Variants in FGGY observed in about 807,000 individuals in gnomAD.
FGGY encodes the protein FGGY carbohydrate kinase domain-containing protein.
A neutral mutation model predicts 71.3 loss-of-function variants in FGGY; 72 were observed. The ratio of observed to expected loss-of-function variants is 1.01; its 90% CI spans 0.84 to 1.23. FGGY has a LOEUF of 1.23. FGGY is among the 50% of genes most tolerant of loss of function. The probability of loss-of-function intolerance (pLI) is 0.00; values close to 1 mark genes in which losing one functional copy is unlikely to be tolerated. For synonymous variants in FGGY, 251 were observed against 250.3 expected, an observed-to-expected ratio of 1.00 and a Z score of -0.02; for missense variants, 668 against 682.3, an observed-to-expected ratio of 0.98 and a Z score of 0.23.
intron 5 of FGGY, among the ~76,000 whole-genome samples, chr1:59,445,402 C>T (rs959478760): frequency 2.0e-5 from 3 of 152,196 alleles, no homozygotes; most frequent in African/African-American, 7.2e-5. Context: ...ATCCTCTTGA[C>T]ACATTCTTTC....
intron 15 of FGGY, among the ~76,000 whole-genome samples, chr1:59,760,543 C>A (rs888582531): frequency 2.0e-5 from 3 of 152,122 alleles, no homozygotes; most frequent in African/African-American, 7.2e-5. Flanking sequence ...TGAGAGCAAC[C>A]TAAGTGTTCA....
intron 9 of FGGY, among the ~76,000 whole-genome samples, chr1:59,625,722 T>C (rs1356493810): frequency 6.6e-6 from 1 of 152,160 alleles, no homozygotes; most frequent in East Asian, 1.9e-4. Context: ...AACCTGCTTC[T>C]ACCAGTTTAG....
intron 14 of FGGY, among the ~76,000 whole-genome samples, chr1:59,718,745 C>T (rs1039666823): frequency 3.3e-5 from 5 of 152,210 alleles, no homozygotes; most frequent in African/African-American, 4.8e-5. Context: ...TACACATTGA[C>T]ACTCCCCGCT....
chr1:59,351,814 C>T (rs1024465144), intron 4 of FGGY, among the ~76,000 whole-genome samples: 3 of 152,072 alleles, frequency 2.0e-5, no homozygotes, highest in Non-Finnish European at 4.4e-5. Context: ...CCAGAGCTGA[C>T]CACTCACTTC....
intron 14 of FGGY, among the ~76,000 whole-genome samples, chr1:59,686,201 G>A (rs1399264311): frequency 6.6e-6 from 1 of 152,098 alleles, no homozygotes; most frequent in East Asian, 1.9e-4. Flanking sequence ...TAGAGAGATA[G>A]CATGTCCCTT....
chr1:59,610,677 G>C (rs780371250), intron 9 of FGGY, among the ~76,000 whole-genome samples: 3 of 152,216 alleles, frequency 2.0e-5, no homozygotes, highest in Non-Finnish European at 2.9e-5. Flanking sequence ...AGGACAGTGG[G>C]TGCAGCCCAC....
At chr1:59,635,549 C>CAAA (rs34529086) in intron 10 of FGGY, among the ~76,000 whole-genome samples, 2 of 131,112 alleles carry the variant, frequency 1.5e-5, no homozygotes, top group Admixed American at 7.8e-5. Context: ...CATGCGTTTC[C>CAAA]AAAAAAAAAA....
chr1:59,588,791 A>G (rs375112576), intron 8 of FGGY, among the ~76,000 whole-genome samples: 5 of 152,214 alleles, frequency 3.3e-5, no homozygotes, highest in Admixed American at 1.3e-4. Flanking sequence ...TGAAGGAAGC[A>G]CTAAACATGG....
chr1:59,708,635 C>T (rs1415102924), intron 14 of FGGY, among the ~76,000 whole-genome samples: 2 of 152,168 alleles, frequency 1.3e-5, no homozygotes, highest in Non-Finnish European at 2.9e-5. Context: ...TTATTATCTT[C>T]ATTTGCAAAT....
intron 5 of FGGY, among the ~76,000 whole-genome samples, chr1:59,430,888 C>T (rs1237697462): frequency 6.6e-6 from 1 of 152,188 alleles, no homozygotes; most frequent in Non-Finnish European, 1.5e-5. Flanking sequence ...CCTGCTGACC[C>T]ATAGACACCC....
chr1:59,340,149 C>T, intron 3 of FGGY, 80 bp downstream of exon 3: 1 of 918,368 alleles, frequency 1.1e-6, no homozygotes, highest in East Asian at 2.6e-5. Context: ...AACAGGAGGG[C>T]AGGCGTCTCT....
intron 12 of FGGY, among the ~76,000 whole-genome samples, chr1:59,662,047 G>T (rs533435667): frequency 9.9e-4 from 143 of 145,074 alleles, no homozygotes; most frequent in African/African-American, 3.5e-3. Flanking sequence ...TAGGCCAGGC[G>T]CGGTGACTCA....
intron 14 of FGGY, among the ~76,000 whole-genome samples, chr1:59,714,655 G>T (rs1177209085): frequency 6.6e-6 from 1 of 152,140 alleles, no homozygotes; most frequent in Non-Finnish European, 1.5e-5. Context: ...CAGTACCAGA[G>T]AGTCCCCCTA....
intron 6 of FGGY, among the ~76,000 whole-genome samples, chr1:59,499,132 T>C (rs2094138630): frequency 6.6e-6 from 1 of 152,156 alleles, no homozygotes. Flanking sequence ...GATGATCCTC[T>C]GGTGCCAGAG....
intron 9 of FGGY, among the ~76,000 whole-genome samples, chr1:59,611,139 C>T (rs937466016): frequency 1.3e-5 from 2 of 152,224 alleles, no homozygotes; most frequent in Non-Finnish European, 2.9e-5. Flanking sequence ...TTAAACGTCC[C>T]TGTCTGACAG....
intron 8 of FGGY, among the ~76,000 whole-genome samples, chr1:59,581,497 A>AT (rs2096194019): frequency 6.7e-6 from 1 of 149,684 alleles, no homozygotes; most frequent in Non-Finnish European, 1.5e-5. Flanking sequence ...TTTGCTAAAA[A>AT]TGTATTAACT....
At chr1:59,691,623 GTTCTTTTTTT>G (rs1304033524) in intron 14 of FGGY, among the ~76,000 whole-genome samples, 2 of 145,656 alleles carry the variant, frequency 1.4e-5, no homozygotes, top group East Asian at 4.0e-4. Context: ...TTTCTTTTTT[GTTCTTTTTTT>G]TTCTTTTCTT....
chr1:59,393,514 G>A (rs981429182), intron 5 of FGGY, among the ~76,000 whole-genome samples: 16 of 152,182 alleles, frequency 1.1e-4, no homozygotes, highest in African/African-American at 3.6e-4. Flanking sequence ...TTTAGATTGT[G>A]CTAGAGAAAT....
chr1:59,743,759 A>T (rs1406171591), intron 14 of FGGY, among the ~76,000 whole-genome samples: 1 of 152,222 alleles, frequency 6.6e-6, no homozygotes, highest in African/African-American at 2.4e-5. Flanking sequence ...AAGTAAAAGG[A>T]CTGGAAGTAC....
Sources: allele counts gnomAD v4.1 joint callset (sites outside exome capture counted in the v4.1 genomes callset), GRCh38; gene constraint gnomAD v4.1.1; transcripts MANE v1.5; gene names NCBI Gene and HGNC (gene_info 2026-07-23, HGNC 2026-07-21).